PDS5A: variants seen among roughly 807,000 people sequenced by gnomAD.
PDS5A encodes the protein PDS5 cohesin associated factor A.
In PDS5A, 42 loss-of-function variants were observed where a neutral mutation model predicts 167.1. The ratio of observed to expected loss-of-function variants is 0.25; its 90% CI spans 0.20 to 0.33. The LOEUF (loss-of-function observed/expected upper bound fraction) is 0.33, where lower values mean the gene tolerates loss of function less well. PDS5A is among the 10% of genes least tolerant of loss of function. PDS5A has a pLI of 1.00. For synonymous variants in PDS5A, 553 were observed against 554.6 expected (o/e 1.00, Z 0.04); for missense variants, 1,033 against 1,605.9 (o/e 0.64, Z 6.10).
chr4:39,906,013 A>G (rs1208956349), intron 11 of PDS5A, among the ~76,000 whole-genome samples: 2 of 152,094 alleles, frequency 1.3e-5, no homozygotes, highest in African/African-American at 4.8e-5. Context: ...TGAAGTAAAA[A>G]AAAAAAAAGA....
At chr4:39,976,760 C>A (rs1316726650) in intron 1 of PDS5A, 143 bp from the exon 2 acceptor site, 3 of 481,084 alleles carry the variant, frequency 6.2e-6, no homozygotes, top group East Asian at 6.4e-5. Context: ...CGCTCTTTCC[C>A]AGGGATCGAA....
chr4:39,960,462 A>G, intron 2 of PDS5A, among the ~76,000 whole-genome samples: 1 of 152,086 alleles, frequency 6.6e-6, no homozygotes, highest in Admixed American at 6.6e-5. Flanking sequence ...AATGTCAAAG[A>G]CCGAATGCCA....
intron 2 of PDS5A, among the ~76,000 whole-genome samples, chr4:39,960,940 G>A (rs891030583): frequency 2.6e-5 from 4 of 151,886 alleles, no homozygotes; most frequent in Non-Finnish European, 4.4e-5. Flanking sequence ...CACTTGCCTC[G>A]GCCTCCCAAA....
intron 2 of PDS5A, among the ~76,000 whole-genome samples, chr4:39,930,526 T>A (rs1312968638): frequency 6.6e-6 from 1 of 152,104 alleles, no homozygotes; most frequent in African/African-American, 2.4e-5. Flanking sequence ...TAGTCCAAGT[T>A]TGCATTGCTA....
intron 13 of PDS5A, among the ~76,000 whole-genome samples, chr4:39,901,170 A>C (rs1408011248): frequency 2.0e-5 from 3 of 152,148 alleles, no homozygotes. Context: ...GTAAACAAAC[A>C]TCAAAACCTT....
At chr4:39,829,577 G>T (rs1715624191) in intron 32 of PDS5A, among the ~76,000 whole-genome samples, 1 of 151,798 alleles carries the variant, frequency 6.6e-6, no homozygotes. Flanking sequence ...AATCCAGGAG[G>T]TGGAGGTCGC....
At chr4:39,842,737 AC>A (rs1717139582) in intron 30 of PDS5A, among the ~76,000 whole-genome samples, 1 of 151,556 alleles carries the variant, frequency 6.6e-6, no homozygotes, top group South Asian at 2.1e-4. Context: ...TATCACAAAC[AC>A]CCCATAAATA....
rs182530382 is a variant in PDS5A at position 39,829,768 on chromosome 4, G to A, written c.4011-4280C>T. ...AGATCAAGACCATCCTGGCTAACACGGTGAAACCCTGTCTCCACTAAAAAT... is the reference window on the plus strand; with the variant it reads ...AGATCAAGACCATCCTGGCTAACACAGTGAAACCCTGTCTCCACTAAAAAT... On this transcript the variant is annotated intron_variant, in intron 32 of 32. Coordinates refer to ENST00000303538, the MANE Select transcript of PDS5A (RefSeq NM_001100399.2). Among the ~76,000 whole-genome samples the A allele has an allele frequency of 1.1e-3, 171 of 151,714 alleles. No individual in the cohort carries two copies. In the East Asian group the frequency reaches 0.012, roughly 10 times the overall value.
chr4:39,977,618 C>G lies in PDS5A; in HGVS notation c.-202G>C, dbSNP rs969529585. ...GGAGCGGCGCTGGGGCTGGCGGTGC[C>G]GAGGAGGAGCAGCCGCCGCGGGGGG... On this transcript the variant is annotated 5_prime_UTR_variant, in exon 1 of 33. Transcript: ENST00000303538. This position sits in a 1 kb window ranked among gnomAD's most constrained non-coding sequence, Gnocchi z 4.2. 8 of 154,726 alleles carry G rather than the reference C, an allele frequency of 5.2e-5. No individual in the cohort carries two copies. The highest frequency in any genetic ancestry group is 1.9e-4 in the African/African-American group (8 of 41,260). The allele number at this position is 154,726 out of a possible 1,614,324, so 9.6% of individuals were successfully genotyped here. A position where few individuals can be genotyped will look rare whatever the true frequency, so the allele number is the denominator to read the frequency against.
In PDS5A at chr4:39,977,080, G is replaced by A. The variant is rs1435848456; in HGVS notation, c.-41+377C>T. Among the ~76,000 whole-genome samples the A allele has an allele frequency of 6.6e-6, 1 of 152,098 alleles. No homozygotes were observed. Among genetic ancestry groups the A allele is most frequent in the Non-Finnish European group, 1.5e-5 (1 of 67,986 alleles). ...ACCCAGCGGACCCACGCGCAGCGGC[G>A]GCTGCCGGGAACAAAACGCCCTTGC... On this transcript the variant is annotated intron_variant, in intron 1 of 32. Coordinates refer to ENST00000303538, the MANE Select transcript of PDS5A (RefSeq NM_001100399.2). This position sits in a 1 kb window ranked among gnomAD's most constrained non-coding sequence, Gnocchi z 4.2.
At position 39,842,021 on chromosome 4, in the gene PDS5A, C is replaced by G; in HGVS notation, c.3584G>C (p.Ser1195Thr). ...QSSEAAETGV[S>T]ENEENPVRII... ...CCTCACAGGGTTCTCTTCATTTTCA[C>G]TAACTCCAGTTTCTGCTGCCTCTGA... Residue 1195 changes from serine (S) to threonine (T), a missense_variant, in exon 31 of 33, where the codon AGT becomes ACT. By Grantham distance (58) the Ser-to-Thr change is moderately conservative. This residue lies in a region of PDS5A where 233 missense variants were observed against 264.0 expected (regional missense o/e 0.88). Transcript: ENST00000303538. 1.2e-6 allele frequency: 2 copies of G among 1,609,534 alleles called. No individual in the cohort carries two copies. The highest frequency in any genetic ancestry group is 1.7e-6 in the Non-Finnish European group (2 of 1,175,874).
intron 16 of PDS5A, among the ~76,000 whole-genome samples, chr4:39,896,854 A>T (rs1270105861): frequency 2.0e-5 from 3 of 151,668 alleles, no homozygotes; most frequent in Non-Finnish European, 4.4e-5. Context: ...CCAGGTCAGG[A>T]TCACCAAGAT....
intron 2 of PDS5A, among the ~76,000 whole-genome samples, chr4:39,930,253 TTGTTTTTTG>T (rs1165731187): frequency 5.0e-5 from 6 of 121,042 alleles, no homozygotes; most frequent in Non-Finnish European, 1.1e-4. Context: ...AAAAGTTTTT[TTGTTTTTTG>T]TTTTTTTTTT....
chr4:39,923,638 A>AACACACACACACAAACACACACACACAC (rs376190459), intron 5 of PDS5A, among the ~76,000 whole-genome samples: 1 of 125,188 alleles, frequency 8.0e-6, no homozygotes, highest in Non-Finnish European at 1.8e-5. Context: ...CCTGTCTCAA[A>AACACACACACACAAACACACACACACAC]ACACACACAC....
intron 2 of PDS5A, among the ~76,000 whole-genome samples, chr4:39,937,446 C>A (rs1726732372): frequency 6.6e-6 from 1 of 152,110 alleles, no homozygotes. Flanking sequence ...AAGGTTCTCA[C>A]TTTGTCGCCC....
intron 16 of PDS5A, among the ~76,000 whole-genome samples, chr4:39,895,749 G>A (rs993731274): frequency 5.3e-5 from 8 of 152,054 alleles, no homozygotes; most frequent in Non-Finnish European, 1.0e-4. Context: ...ACAGAGTCTC[G>A]CTCTGTCGCC....
Position 39,825,456 on chromosome 4 carries a change from CT to C in PDS5A, c.*28del. 6.4e-7 allele frequency: 1 copy of C among 1,572,790 alleles called. No individual in the cohort carries two copies. Reference sequence around the variant, plus strand: ...AAGCTGGAGCCTGCTTCTGTTTGGCCTTCATTTTCTCCCTTTGCAAATGCAT... The same window carrying C: ...AAGCTGGAGCCTGCTTCTGTTTGGCCTCATTTTCTCCCTTTGCAAATGCAT... On this transcript the variant is annotated 3_prime_UTR_variant, in exon 33 of 33. Coordinates refer to ENST00000303538, the MANE Select transcript of PDS5A (RefSeq NM_001100399.2).
chr4:39,867,761 CA>C (rs1372621699), intron 22 of PDS5A, among the ~76,000 whole-genome samples: 96 of 150,210 alleles, frequency 6.4e-4, no homozygotes, highest in East Asian at 4.0e-3. Flanking sequence ...CACACACACA[CA>C]CACACACACA....
intron 2 of PDS5A, among the ~76,000 whole-genome samples, chr4:39,975,603 T>C (rs980238317): frequency 3.3e-5 from 5 of 152,208 alleles, no homozygotes; most frequent in African/African-American, 1.2e-4. Context: ...GACTACTGTT[T>C]ACAGTTTCCT....
Sources: gnomAD v4.1 joint callset for allele counts (sites outside exome capture counted in the v4.1 genomes callset) on GRCh38, gnomAD v4.1.1 for gene constraint, gnomAD v4.1.1 regional missense constraint, Gnocchi (gnomAD v3.1) non-coding constraint, MANE v1.5 for transcripts, NCBI Gene and HGNC (gene_info 2026-07-23, HGNC 2026-07-21) for gene names.